TRHDE: variants seen among roughly 807,000 people sequenced by gnomAD.
The protein encoded by TRHDE is thyrotropin-releasing hormone-degrading ectoenzyme.
TRHDE carries 72 observed loss-of-function variants against 125.7 expected under a neutral mutation model. The ratio of observed to expected loss-of-function variants is 0.57; its 90% CI spans 0.47 to 0.70. TRHDE has a LOEUF of 0.70. TRHDE is among the 30% of genes least tolerant of loss of function. The pLI is 0.00. For synonymous variants in TRHDE, 509 were observed against 509.1 expected, an observed-to-expected ratio of 1.00 and a Z score of 0.00; for missense variants, 1,110 against 1,327.1, an observed-to-expected ratio of 0.84 and a Z score of 2.54.
At chr12:72,414,660 T>C (rs1405999664) in intron 3 of TRHDE, among the ~76,000 whole-genome samples, 1 of 152,112 alleles carries the variant, frequency 6.6e-6, no homozygotes, top group East Asian at 1.9e-4. Context: ...TAGAGGTGGC[T>C]AGCTGTAAAA....
intron 3 of TRHDE, among the ~76,000 whole-genome samples, chr12:72,429,995 A>G (rs1220031365): frequency 2.0e-5 from 3 of 151,782 alleles, no homozygotes; most frequent in Non-Finnish European, 4.4e-5. Flanking sequence ...ACTTTAAAGC[A>G]CAAAATTTTT....
At chr12:72,654,929 G>A (rs1425358546) in intron 17 of TRHDE, among the ~76,000 whole-genome samples, 3 of 152,052 alleles carry the variant, frequency 2.0e-5, no homozygotes, top group African/African-American at 4.8e-5. Flanking sequence ...AAAAGCAAAT[G>A]TGATATTTCC....
intron 2 of TRHDE, among the ~76,000 whole-genome samples, chr12:72,108,994 C>A (rs563539942): frequency 6.6e-6 from 1 of 152,124 alleles, no homozygotes; most frequent in South Asian, 2.1e-4. Flanking sequence ...GCTTCATTTC[C>A]AAATCAATTG....
intron 2 of TRHDE, among the ~76,000 whole-genome samples, chr12:72,322,329 G>A (rs552723420): frequency 1.3e-5 from 2 of 151,974 alleles, no homozygotes; most frequent in Non-Finnish European, 2.9e-5. Flanking sequence ...TTTAAGGATT[G>A]CTATTTAAAA....
intron 2 of TRHDE, among the ~76,000 whole-genome samples, chr12:72,110,057 C>T (rs1875280943): frequency 6.6e-6 from 1 of 152,046 alleles, no homozygotes; most frequent in Admixed American, 6.6e-5. Context: ...CATCACGTTC[C>T]TAATGCCTCA....
upstream of TRHDE, among the ~76,000 whole-genome samples, chr12:72,268,091 T>A (rs1293340646): frequency 6.6e-6 from 1 of 152,154 alleles, no homozygotes; most frequent in Non-Finnish European, 1.5e-5. Flanking sequence ...GTTTCAAATT[T>A]CAAACTGCTG....
chr12:72,455,239 A>G (rs184382702), intron 3 of TRHDE, among the ~76,000 whole-genome samples: 125 of 152,290 alleles, frequency 8.2e-4, no homozygotes, highest in African/African-American at 2.7e-3. Context: ...AAAAATTTGT[A>G]AAAACTTTCT....
intron 2 of TRHDE, among the ~76,000 whole-genome samples, chr12:72,160,343 G>GT (rs1876607353): frequency 6.6e-6 from 1 of 152,040 alleles, no homozygotes; most frequent in Non-Finnish European, 1.5e-5. Flanking sequence ...CCCATCCCAG[G>GT]TATCTTGAAT....
At chr12:72,392,181 T>A (rs1403845760) in intron 3 of TRHDE, among the ~76,000 whole-genome samples, 2 of 152,208 alleles carry the variant, frequency 1.3e-5, no homozygotes, top group African/African-American at 4.8e-5. Flanking sequence ...ACATTTCTAC[T>A]GTTTAAGCCA....
At chr12:72,317,015 A>G (rs988121286) in intron 2 of TRHDE, among the ~76,000 whole-genome samples, 1 of 152,174 alleles carries the variant, frequency 6.6e-6, no homozygotes, top group Non-Finnish European at 1.5e-5. Context: ...CCCTGTACTA[A>G]TAAATTCACC....
Position 72,377,423 on chromosome 12 carries a change from A to G in TRHDE, c.1189-572A>G, listed in dbSNP as rs184154816. The stretch of plus-strand genomic sequence containing the variant: ...TTCTGCTGAGTTTGAAGCCAGGAGC[A>G]GTTGCAGACAGCCTTCCAGAATGGT... On this transcript the variant is annotated intron_variant, in intron 2 of 18. Coordinates refer to ENST00000261180, the MANE Select transcript of TRHDE (RefSeq NM_013381.3). 5.9e-5 allele frequency among the ~76,000 whole-genome samples: 9 copies of G among 152,206 alleles called. No homozygotes were observed. The East Asian group carries it at 1.5e-3, about 26-fold the overall frequency.
chr12:72,520,011 G>T (rs377307365), intron 6 of TRHDE, among the ~76,000 whole-genome samples: 1 of 152,196 alleles, frequency 6.6e-6, no homozygotes, highest in East Asian at 1.9e-4. Context: ...CAGATGTCCA[G>T]CTGTGTGCTG....
At chr12:72,655,657 G>A (rs1253702587) in intron 17 of TRHDE, among the ~76,000 whole-genome samples, 2 of 152,064 alleles carry the variant, frequency 1.3e-5, no homozygotes, top group African/African-American at 4.8e-5. Flanking sequence ...CAAGTGGATA[G>A]TATAATACCT....
intron 5 of TRHDE, among the ~76,000 whole-genome samples, chr12:72,491,935 G>T (rs1877702369): frequency 6.6e-6 from 1 of 151,956 alleles, no homozygotes; most frequent in South Asian, 2.1e-4. Flanking sequence ...CTGGAGTCTT[G>T]TGATCATGTA....
chr12:72,333,875 A>G (rs1210251301), intron 2 of TRHDE, among the ~76,000 whole-genome samples: 1 of 152,218 alleles, frequency 6.6e-6, no homozygotes, highest in Non-Finnish European at 1.5e-5. Flanking sequence ...AAAAAGCATT[A>G]TTATGCTGAA....
rs1878384934 is a variant in TRHDE, at chr12:72,238,299, T to TATATATATATATATATACAC, written n.279+132564_279+132565insCACATATATATATATATATA. ...TAATATATATATATATATATATATA[T>TATATATATATATATATACAC]ATATATATATATATATATATATACA... On this transcript the variant is annotated intron_variant and non_coding_transcript_variant, in intron 2 of 4. Coordinates refer to the TRHDE transcript ENST00000548156. 9.0e-5 allele frequency among the ~76,000 whole-genome samples: 3 copies of TATATATATATATATATACAC among 33,342 alleles called. No individual in the cohort carries two copies. In the Admixed American group the frequency reaches 1.1e-3, roughly 12 times the overall value. The allele number at this position is 33,342 out of a possible 152,430, so 21.9% of individuals were successfully genotyped here.
intron 2 of TRHDE, among the ~76,000 whole-genome samples, chr12:72,245,763 A>T (rs1878564171): frequency 6.6e-6 from 1 of 151,870 alleles, no homozygotes; most frequent in African/African-American, 2.4e-5. Flanking sequence ...ACATATATAT[A>T]TACACACACA....
At chr12:72,092,458 A>G (rs925874035) in intron 1 of TRHDE, among the ~76,000 whole-genome samples, 1 of 152,350 alleles carries the variant, frequency 6.6e-6, no homozygotes, top group East Asian at 1.9e-4. Context: ...AAACAGTACA[A>G]TCAGGATCTA....
intron 2 of TRHDE, among the ~76,000 whole-genome samples, chr12:72,319,218 G>A (rs1435459713): frequency 6.6e-5 from 10 of 152,116 alleles, no homozygotes; most frequent in Non-Finnish European, 8.8e-5. Context: ...TGTAGCCTTC[G>A]TTGCTTTCTG....
Sources: allele counts gnomAD v4.1 joint callset (sites outside exome capture counted in the v4.1 genomes callset), GRCh38; gene constraint gnomAD v4.1.1; transcripts MANE v1.5; gene names NCBI Gene and HGNC (gene_info 2026-07-23, HGNC 2026-07-21).